Variants in NOTCH3 observed in about 807,000 individuals in gnomAD.
NOTCH3 encodes neurogenic locus notch homolog protein 3.
Under a neutral mutation model 213.3 loss-of-function variants are expected in NOTCH3, and 86 were observed. The ratio of observed to expected loss-of-function variants is 0.40; its 90% confidence interval spans 0.34 to 0.48. NOTCH3 has a LOEUF of 0.48. NOTCH3 is among the 20% of genes least tolerant of loss of function. The pLI is 0.57. For missense variants in NOTCH3, 2,783 were observed against 3,272.6 expected (o/e 0.85, Z 3.65); for synonymous variants, 1,354 against 1,355.9 (o/e 1.00, Z 0.03).
chr19:15,181,558 A>C lies in NOTCH3; in HGVS notation c.2792+18T>G. On this transcript the variant is annotated intron_variant, in intron 17 of 32. Coordinates refer to ENST00000263388, the MANE Select transcript of NOTCH3 (RefSeq NM_000435.3). ...CCCAAGCCAGAGTCCCTGCTCTCCA[A>C]GCAGAGGCCCCGCCCACCTGGGGCT... is the stretch of plus-strand genomic sequence containing the variant. The C allele has an allele frequency of 2.6e-6, 4 of 1,547,170 alleles. No individual in the cohort carries two copies. The highest frequency in any genetic ancestry group is 3.5e-6 in the Non-Finnish European group (4 of 1,144,180).
chr19:15,187,165 C>T lies in NOTCH3; in HGVS notation c.1780G>A (p.Gly594Ser), dbSNP rs955926125. 19 of 1,614,056 alleles carry T rather than the reference C, an allele frequency of 1.2e-5. No individual in the cohort carries two copies. The highest frequency in any genetic ancestry group is 1.6e-5 in the Non-Finnish European group (19 of 1,180,030). The change falls in exon 11 of 33, where the codon GGC becomes AGC. Residue 594 changes from glycine to serine, a missense_variant. Physicochemically the swap from Gly to Ser is moderately conservative, Grantham distance 56. Transcript: ENST00000263388. ...TCCACCAGGTCTAGGCATTTGCCGCCATGGCGGCAGGGCTGGCTGCGGCAT... is the reference window on the plus strand; with the variant it reads ...TCCACCAGGTCTAGGCATTTGCCGCTATGGCGGCAGGGCTGGCTGCGGCAT... ...DECRSQPCRH[G>S]GKCLDLVDKY...
chr19:15,174,428 G>C (rs1221932082), intron 24 of NOTCH3, 28 bp from the exon 25 acceptor site: 1 of 1,479,322 alleles, frequency 6.8e-7, no homozygotes, highest in South Asian at 1.3e-5. Flanking sequence ...GGCAGAGAGG[G>C]GCGGAGTCAG....
chr19:15,178,454 G>A (rs2046810806), intron 23 of NOTCH3: 1 of 445,902 alleles, frequency 2.2e-6, no homozygotes, highest in Admixed American at 3.5e-5. Context: ...ATGGCGTGAT[G>A]GCTCACTGCA....
At position 15,179,345 on chromosome 19, in the gene NOTCH3, A is replaced by G. The variant is rs1398308561; in HGVS notation, c.3460+19T>C. 1 of 1,611,072 alleles carries G rather than the reference A, an allele frequency of 6.2e-7. No homozygotes were observed. ...AGACAGCCTCTCATCCTGTCCCCCC[A>G]ACCCTGGCCCTGGCATACCCAGCGT... On this transcript the variant is annotated intron_variant, in intron 21 of 32. Transcript: ENST00000263388.
chr19:15,196,422 G>A (rs1174338807), intron 2 of NOTCH3, among the ~76,000 whole-genome samples: 1 of 150,832 alleles, frequency 6.6e-6, no homozygotes, highest in Non-Finnish European at 1.5e-5. Context: ...AGGTGAGCCC[G>A]AGTGGGAGAT....
At chr19:15,169,178 T>C (rs2046709011) in intron 28 of NOTCH3, among the ~76,000 whole-genome samples, 1 of 143,868 alleles carries the variant, frequency 7.0e-6, no homozygotes, top group Non-Finnish European at 1.5e-5. Flanking sequence ...GGATGGGATG[T>C]CAAATCTGTC....
chr19:15,199,807 C>G (rs938131338), intron 1 of NOTCH3, among the ~76,000 whole-genome samples: 2 of 152,054 alleles, frequency 1.3e-5, no homozygotes, highest in African/African-American at 4.8e-5. Flanking sequence ...AAACCCCCAC[C>G]CCGCCCAGCG....
Position 15,160,589 on chromosome 19 carries a change from AAG to A in NOTCH3, c.*71_*72del, listed in dbSNP as rs2046631443. 2.6e-6 allele frequency: 3 copies of A among 1,159,044 alleles called. No homozygotes were observed. Among genetic ancestry groups the A allele is most frequent in the Non-Finnish European group, 3.9e-6 (3 of 764,936 alleles). The allele number at this position is 1,159,044 out of a possible 1,614,324, so 71.8% of individuals were successfully genotyped here. The stretch of plus-strand genomic sequence containing the variant: ...AGGATGAAAAAGACTAAAAGGAAGG[AAG>A]AGACAGAGAAAGAAAGGAGGCAGGA... On this transcript the variant is annotated 3_prime_UTR_variant, in exon 33 of 33. Transcript: ENST00000263388.
At position 15,185,702 on chromosome 19, in the gene NOTCH3, C is replaced by T. The variant is rs147014533; in HGVS notation, c.1952-23G>A. ...GCCCTGGGGAGTACACAAGCAATCTCATCTCAGAACAAAGTCAGCAGGGAC... is the reference window on the plus strand; with the variant it reads ...GCCCTGGGGAGTACACAAGCAATCTTATCTCAGAACAAAGTCAGCAGGGAC... On this transcript the variant is annotated intron_variant, in intron 12 of 32. Coordinates refer to ENST00000263388, the MANE Select transcript of NOTCH3 (RefSeq NM_000435.3). The surrounding 1 kb of genome is among the most constrained non-coding windows in gnomAD (Gnocchi z 4.2). The T allele has an allele frequency of 5.2e-3, 8,429 of 1,611,438 alleles. 40 individuals carry two copies. The highest frequency in any genetic ancestry group is 0.015 in the Middle Eastern group (89 of 6,032).
At chr19:15,176,201 T>C in intron 24 of NOTCH3, among the ~76,000 whole-genome samples, 1 of 140,738 alleles carries the variant, frequency 7.1e-6, no homozygotes, top group South Asian at 2.3e-4. Context: ...AGAGATTTAC[T>C]CTTGCTGCCC....
intron 31 of NOTCH3, among the ~76,000 whole-genome samples, chr19:15,163,103 C>T (rs1488668446): frequency 2.6e-5 from 4 of 152,152 alleles, no homozygotes; most frequent in African/African-American, 7.2e-5. Flanking sequence ...TAGAGTTCCA[C>T]TATGTTGCCC....
At chr19:15,182,730 C>T (rs957407538) in intron 16 of NOTCH3, among the ~76,000 whole-genome samples, 3 of 151,998 alleles carry the variant, frequency 2.0e-5, no homozygotes, top group African/African-American at 7.3e-5. Context: ...ACAACCTCCG[C>T]CTCCCGGGTT....
intron 31 of NOTCH3, among the ~76,000 whole-genome samples, chr19:15,163,826 A>G (rs1347208325): frequency 6.6e-6 from 1 of 152,096 alleles, no homozygotes; most frequent in Non-Finnish European, 1.5e-5. Flanking sequence ...GTGATACCCT[A>G]TGTCTAAAAA....
chr19:15,177,706 G>A lies in NOTCH3; in HGVS notation c.4222C>T (p.Pro1408Ser). ...DQRCDRECNSPGCGWDGGDCS... is the reference protein window; with the variant it reads ...DQRCDRECNSSGCGWDGGDCS... ...TCGCCGCCGTCCCAGCCGCAGCCTG[G>A]GCTGTTGCACTCGCGGTCGCAGCGC... is the stretch of plus-strand genomic sequence containing the variant. The change falls in exon 24 of 33, where the codon CCA becomes TCA. Residue 1408 changes from proline to serine, a missense_variant. Physicochemically the swap from Pro to Ser is moderately conservative, Grantham distance 74. Around this residue, in one of 6 missense-constraint regions of NOTCH3, gnomAD observed 133 missense variants for 201.9 expected, o/e 0.66. Transcript: ENST00000263388. 5 of 1,537,232 alleles carry A rather than the reference G, an allele frequency of 3.3e-6. No homozygotes were observed. The highest frequency in any genetic ancestry group is 4.4e-6 in the Non-Finnish European group (5 of 1,148,714).
chr19:15,167,420 G>A lies in NOTCH3; in HGVS notation c.5200-9C>T, dbSNP rs2145394992. ...ATGCCTGGCTCCTCTACCTGGAGGG[G>A]CAGGCACCCTGGATCTCAGATCTCA... is the stretch of plus-strand genomic sequence containing the variant. On this transcript the variant is annotated splice_polypyrimidine_tract_variant and intron_variant, in intron 28 of 32. Transcript: ENST00000263388. The A allele has an allele frequency of 1.2e-6, 2 of 1,602,244 alleles. No homozygotes were observed. Among genetic ancestry groups the A allele is most frequent in the Non-Finnish European group, 1.7e-6 (2 of 1,179,856 alleles).
In NOTCH3 at chr19:15,159,756, A is replaced by T; in HGVS notation, c.*906T>A. 1 of 233,198 alleles carries T rather than the reference A, an allele frequency of 4.3e-6. No individual in the cohort carries two copies. The highest frequency in any genetic ancestry group is 6.0e-5 in the East Asian group (1 of 16,578). 14.4% of individuals were successfully genotyped at this position (233,198 alleles called of 1,614,324 possible). A position where few individuals can be genotyped will look rare whatever the true frequency, so the allele number is the denominator to read the frequency against. Reference sequence around the variant, plus strand: ...CATATTACAAAAATAGCCTAAAAATACCTCTATTCTGCCATGAGGCTGGGC... The same window carrying T: ...CATATTACAAAAATAGCCTAAAAATTCCTCTATTCTGCCATGAGGCTGGGC... On this transcript the variant is annotated 3_prime_UTR_variant, in exon 33 of 33. Transcript: ENST00000263388.
intron 28 of NOTCH3, among the ~76,000 whole-genome samples, chr19:15,168,160 T>C (rs950610329): frequency 6.6e-6 from 1 of 152,166 alleles, no homozygotes; most frequent in African/African-American, 2.4e-5. Flanking sequence ...TGGAAGGCTC[T>C]GGGCAAATCA....
In NOTCH3 at chr19:15,160,312, A is replaced by AAAAAAG. The variant is rs1568344572; in HGVS notation, c.*344_*349dup. On this transcript the variant is annotated 3_prime_UTR_variant, in exon 33 of 33. Coordinates refer to ENST00000263388, the MANE Select transcript of NOTCH3 (RefSeq NM_000435.3). ...TTTGTTTCTATACAAAATGTAAAAA[A>AAAAAAG]AAAAAGAAAAATAAAAATAATAATA... 1.6e-5 allele frequency: 4 copies of AAAAAAG among 252,184 alleles called. No homozygotes were observed. The highest frequency in any genetic ancestry group is 4.4e-5 in the African/African-American group (2 of 45,756). 15.6% of individuals were successfully genotyped at this position (252,184 alleles called of 1,614,324 possible). A position where few individuals can be genotyped will look rare whatever the true frequency, so the allele number is the denominator to read the frequency against.
chr19:15,162,782 TGTGTGTGTGTGC>T (rs756371474), intron 31 of NOTCH3, among the ~76,000 whole-genome samples: 32 of 152,096 alleles, frequency 2.1e-4, no homozygotes, highest in Non-Finnish European at 2.6e-4. Flanking sequence ...TTTGTGTGTG[TGTGTGTGTGTGC>T]GTGCATGTGC....
Sources: allele counts gnomAD v4.1 joint callset (sites outside exome capture counted in the v4.1 genomes callset), GRCh38; gene constraint gnomAD v4.1.1; regional missense constraint gnomAD v4.1.1; non-coding constraint Gnocchi (gnomAD v3.1); transcripts MANE v1.5; gene names NCBI Gene and HGNC (gene_info 2026-07-23, HGNC 2026-07-21).